Variants in CCDC85A observed in about 807,000 individuals in gnomAD.
CCDC85A encodes coiled-coil domain-containing protein 85A.
CCDC85A carries 38 observed loss-of-function variants against 50.2 expected under a neutral mutation model. The ratio of observed to expected loss-of-function variants is 0.76; its 90% CI spans 0.58 to 0.99. The LOEUF is 0.99. Among genes scored for constraint, CCDC85A ranks in the 50% least tolerant of loss-of-function variants. The pLI is 0.00. For synonymous variants in CCDC85A, 366 were observed against 301.4 expected (o/e 1.21, Z -2.22); for missense variants, 820 against 742.0 (o/e 1.11, Z -1.22).
chr2:56,334,757 G>C (rs1233275058), intron 2 of CCDC85A, among the ~76,000 whole-genome samples: 1 of 152,204 alleles, frequency 6.6e-6, no homozygotes, highest in Non-Finnish European at 1.5e-5. Context: ...AGGAAGAATA[G>C]GGAGTATTTG....
intron 3 of CCDC85A, among the ~76,000 whole-genome samples, chr2:56,355,711 A>G (rs1675190286): frequency 6.6e-6 from 1 of 152,176 alleles, no homozygotes. Flanking sequence ...GTTCTTAGCA[A>G]TTATATTAGG....
chr2:56,236,869 C>G (rs1023185600), intron 2 of CCDC85A, among the ~76,000 whole-genome samples: 1 of 152,112 alleles, frequency 6.6e-6, no homozygotes, highest in Non-Finnish European at 1.5e-5. Context: ...CCAAATGATG[C>G]TGAGTTACCA....
At chr2:56,225,490 C>A (rs1648061214) in intron 2 of CCDC85A, among the ~76,000 whole-genome samples, 1 of 152,078 alleles carries the variant, frequency 6.6e-6, no homozygotes, top group South Asian at 2.1e-4. Context: ...ATTTCATTGA[C>A]CTATATGCCT....
chr2:56,186,120 A>C (rs1676033484), intron 1 of CCDC85A, among the ~76,000 whole-genome samples: 1 of 152,204 alleles, frequency 6.6e-6, no homozygotes, highest in Non-Finnish European at 1.5e-5. Context: ...CCGTCTCCCG[A>C]GGCCGAAAGT....
In CCDC85A at chr2:56,385,072, A is replaced by T. The variant is rs1395932537; in HGVS notation, c.*717A>T. 1 of 151,990 alleles carries T rather than the reference A, an allele frequency of 6.6e-6. No homozygotes were observed. Among genetic ancestry groups the T allele is most frequent in the Non-Finnish European group, 1.5e-5 (1 of 67,780 alleles). The allele number at this position is 151,990 out of a possible 1,614,324, so 9.4% of individuals were successfully genotyped here. A position where few individuals can be genotyped will look rare whatever the true frequency, so the allele number is the denominator to read the frequency against. On this transcript the variant is annotated 3_prime_UTR_variant, in exon 6 of 6. Coordinates refer to ENST00000407595, the MANE Select transcript of CCDC85A (RefSeq NM_001080433.2). ...TATATCTTTTTTTTTCATCTTAATG[A>T]GTTTCTCATAAAGACACATCTTGGG...
At chr2:56,207,672 A>C (rs1677012174) in intron 2 of CCDC85A, among the ~76,000 whole-genome samples, 1 of 152,028 alleles carries the variant, frequency 6.6e-6, no homozygotes, top group Admixed American at 6.6e-5. Flanking sequence ...ATCTTTGAAA[A>C]CTTTCACCTT....
intron 3 of CCDC85A, among the ~76,000 whole-genome samples, chr2:56,359,002 C>T (rs1675386452): frequency 6.7e-6 from 1 of 148,638 alleles, no homozygotes; most frequent in African/African-American, 2.5e-5. Flanking sequence ...TGGGGTTTCA[C>T]TGTGTTGGCC....
chr2:56,233,053 C>T (rs551714818), intron 2 of CCDC85A, among the ~76,000 whole-genome samples: 3 of 152,162 alleles, frequency 2.0e-5, no homozygotes, highest in Non-Finnish European at 4.4e-5. Context: ...GGCCTGTCTG[C>T]GTTAGGTAGT....
chr2:56,250,131 T>A (rs1216683659), intron 2 of CCDC85A, among the ~76,000 whole-genome samples: 1 of 152,164 alleles, frequency 6.6e-6, no homozygotes, highest in Non-Finnish European at 1.5e-5. Flanking sequence ...GTGAAGGGCA[T>A]GGGAGGAGCA....
chr2:56,290,985 G>A (rs1222473927), intron 2 of CCDC85A, among the ~76,000 whole-genome samples: 1 of 152,154 alleles, frequency 6.6e-6, no homozygotes, highest in Non-Finnish European at 1.5e-5. Context: ...AAAATGTGTA[G>A]TGTTTTGCAG....
At chr2:56,265,619 G>A (rs964319108) in intron 2 of CCDC85A, among the ~76,000 whole-genome samples, 5 of 152,112 alleles carry the variant, frequency 3.3e-5, no homozygotes, top group Admixed American at 6.5e-5. Context: ...CTGTTATATT[G>A]GCTATTATCG....
intron 2 of CCDC85A, among the ~76,000 whole-genome samples, chr2:56,336,135 A>G (rs2111470): frequency 0.42 from 63,917 of 151,904 alleles, 15,238 homozygotes; most frequent in African/African-American, 0.66. Context: ...AATTTTCCTC[A>G]TATACACTCT....
intron 4 of CCDC85A, among the ~76,000 whole-genome samples, chr2:56,373,737 C>T (rs1256832215): frequency 1.3e-5 from 2 of 152,170 alleles, no homozygotes; most frequent in Non-Finnish European, 2.9e-5. Context: ...TATGGCACTG[C>T]AATGGTGGGT....
chr2:56,217,967 A>G (rs1291569345), intron 2 of CCDC85A, among the ~76,000 whole-genome samples: 2 of 151,852 alleles, frequency 1.3e-5, no homozygotes, highest in Non-Finnish European at 2.9e-5. Flanking sequence ...GTTTATGGAA[A>G]AGCATCATTG....
chr2:56,364,083 A>G (rs1277673169), intron 3 of CCDC85A, among the ~76,000 whole-genome samples: 1 of 152,206 alleles, frequency 6.6e-6, no homozygotes, highest in Non-Finnish European at 1.5e-5. Context: ...TATTAAGCAT[A>G]TAGACTCATT....
At chr2:56,267,708 T>C (rs1670514560) in intron 2 of CCDC85A, among the ~76,000 whole-genome samples, 1 of 152,190 alleles carries the variant, frequency 6.6e-6, no homozygotes, top group Non-Finnish European at 1.5e-5. Context: ...AATAGACCCA[T>C]ATTTCATTGG....
At chr2:56,231,999 G>T (rs945811449) in intron 2 of CCDC85A, among the ~76,000 whole-genome samples, 1 of 152,002 alleles carries the variant, frequency 6.6e-6, no homozygotes, top group African/African-American at 2.4e-5. Flanking sequence ...CTACTTCTCT[G>T]GTTGTTTGGT....
At position 56,340,245 on chromosome 2, in the gene CCDC85A, T is replaced by C. The variant is rs1007560946; in HGVS notation, c.1241-2634T>C. Among the ~76,000 whole-genome samples the C allele has an allele frequency of 2.0e-5, 3 of 152,186 alleles. No individual in the cohort carries two copies. The East Asian group carries it at 5.8e-4, about 29-fold the overall frequency. ...TGCTTTAGAGGTCATAAAAATAGAA[T>C]TGGGTTCATATAAACTATTTCCACA... On this transcript the variant is annotated intron_variant, in intron 2 of 5. Coordinates refer to ENST00000407595, the MANE Select transcript of CCDC85A (RefSeq NM_001080433.2).
chr2:56,188,908 A>G (rs1399630027), intron 1 of CCDC85A, among the ~76,000 whole-genome samples: 1 of 152,252 alleles, frequency 6.6e-6, no homozygotes, highest in Non-Finnish European at 1.5e-5. Flanking sequence ...GACTTTTGGA[A>G]TAGACCCTGC....
Sources: gnomAD v4.1 joint callset for allele counts (sites outside exome capture counted in the v4.1 genomes callset) on GRCh38, gnomAD v4.1.1 for gene constraint, MANE v1.5 for transcripts, NCBI Gene and HGNC (gene_info 2026-07-23, HGNC 2026-07-21) for gene names.